RDH13: variants seen among roughly 807,000 people sequenced by gnomAD.
RDH13 encodes retinol dehydrogenase 13 (all-trans and 9-cis).
Under a neutral mutation model 28.3 loss-of-function variants are expected in RDH13, and 35 were observed. The observed-to-expected ratio is 1.24, with a 90% CI of 0.95 to 1.64. The LOEUF is 1.64. Among genes scored for constraint, RDH13 ranks in the 40% most tolerant of loss-of-function variants. The probability of loss-of-function intolerance (pLI) is 0.00; values close to 1 mark genes in which losing one functional copy is unlikely to be tolerated. For missense variants in RDH13, 514 were observed against 446.3 expected, an observed-to-expected ratio of 1.15 and a Z score of -1.37; for synonymous variants, 229 against 198.5, an observed-to-expected ratio of 1.15 and a Z score of -1.29.
chr19:55,042,826 C>T (rs540087594), downstream of RDH13: 2 of 152,414 alleles, frequency 1.3e-5, no homozygotes, highest in African/African-American at 4.8e-5. Context: ...CCTGGCTTCT[C>T]CACAGGGCCG....
chr19:55,047,191 G>A, intron 6 of RDH13, 196 bp downstream of exon 6: 2 of 1,401,090 alleles, frequency 1.4e-6, no homozygotes, highest in Non-Finnish European at 1.9e-6. Context: ...GGCTCTGCCT[G>A]CTTCCCGGGG....
chr19:55,065,254 CGCATCT>C (rs1396973317), upstream of RDH13, among the ~76,000 whole-genome samples: 1 of 151,304 alleles, frequency 6.6e-6, no homozygotes, highest in African/African-American at 2.4e-5. Flanking sequence ...TTTGGTGGCA[CGCATCT>C]GCACCCTCAG....
intron 2 of RDH13, 91 bp from the exon 3 acceptor site, chr19:55,056,899 C>A: frequency 8.9e-7 from 1 of 1,122,036 alleles, no homozygotes. Context: ...TACACAAAAA[C>A]ACATCCACCA....
chr19:55,060,575 G>A (rs370724832), intron 1 of RDH13, among the ~76,000 whole-genome samples: 22 of 152,276 alleles, frequency 1.4e-4, no homozygotes, highest in African/African-American at 4.3e-4. Context: ...GCTGAGCGCC[G>A]GTCCCCTGGG....
At chr19:55,047,208 G>C (rs544291863) in intron 6 of RDH13, 179 bp downstream of exon 6, 5 of 1,406,360 alleles carry the variant, frequency 3.6e-6, no homozygotes, top group East Asian at 2.6e-5. Context: ...GGGGCTGTTA[G>C]AGGCTGGCAG....
At chr19:55,047,944 C>T (rs1416297947) in intron 5 of RDH13, 5 of 826,032 alleles carry the variant, frequency 6.1e-6, no homozygotes, top group African/African-American at 1.7e-5. Flanking sequence ...TGGGCCTTTA[C>T]CCTCCAGATG....
chr19:55,040,082 C>CA (rs2074984296), downstream of RDH13, among the ~76,000 whole-genome samples: 2 of 152,176 alleles, frequency 1.3e-5, no homozygotes, highest in Admixed American at 1.3e-4. Flanking sequence ...AAGATGATGA[C>CA]AAAGTCTGGG....
chr19:55,047,288 G>A, intron 6 of RDH13, 99 bp downstream of exon 6: 2 of 1,511,088 alleles, frequency 1.3e-6, no homozygotes, highest in Non-Finnish European at 1.8e-6. Flanking sequence ...CAGGCATGAG[G>A]CCTCAGGGAC....
chr19:55,050,123 TTTG>T lies in RDH13; in HGVS notation c.341-1363_341-1361del, dbSNP rs201033916. On this transcript the variant is annotated intron_variant, in intron 3 of 6. Transcript: ENST00000415061. ...ACTGCCCCCAGCCTATTTTTTTTTT[TTTG>T]GGGGGGGGAGATGGAGTTTCACTCT... 5.3e-4 allele frequency among the ~76,000 whole-genome samples: 57 copies of T among 106,874 alleles called. 1 individual carries two copies. The highest frequency in any genetic ancestry group is 3.9e-3 in the South Asian group (12 of 3,112). The allele number at this position is 106,874 out of a possible 152,430, so 70.1% of individuals were successfully genotyped here. A position where few individuals can be genotyped will look rare whatever the true frequency, so the allele number is the denominator to read the frequency against.
At chr19:55,063,558 G>C (rs754869927), upstream of RDH13, 1 of 154,326 alleles carries the variant, frequency 6.5e-6, no homozygotes, top group Non-Finnish European at 1.5e-5. Flanking sequence ...GGGTACCCAA[G>C]CTCCTGGGGT....
intron 2 of RDH13, 48 bp from the exon 3 acceptor site, chr19:55,056,856 G>T: frequency 6.7e-7 from 1 of 1,494,614 alleles, no homozygotes; most frequent in Non-Finnish European, 9.2e-7. Context: ...TCCACTCCTG[G>T]GTACTGACCC....
Position 55,045,155 on chromosome 19 carries a change from C to T in RDH13, c.915G>A (p.Val305=), listed in dbSNP as rs1256457660. ...APAPEAEDEE[V]ARRLWAESAR... The stretch of plus-strand genomic sequence containing the variant: ...CACTTTCAGCCCAAAGCCTCCGGGC[C>T]ACCTCCTCATCCTCAGCCTCGGGGG... Residue 305 remains valine, a synonymous_variant, in exon 7 of 7, where the codon GTG becomes GTA. Transcript: ENST00000415061. 7.4e-6 allele frequency: 12 copies of T among 1,613,602 alleles called. 1 individual carries two copies. The South Asian group carries it at 1.1e-4, about 15-fold the overall frequency.
At chr19:55,051,494 G>A (rs887880522) in intron 3 of RDH13, among the ~76,000 whole-genome samples, 1 of 151,202 alleles carries the variant, frequency 6.6e-6, no homozygotes, top group Non-Finnish European at 1.5e-5. Flanking sequence ...TGTGATCTTG[G>A]CCCATGGCCC....
At chr19:55,062,244 C>G (rs1051263702) in intron 1 of RDH13, among the ~76,000 whole-genome samples, 1 of 152,174 alleles carries the variant, frequency 6.6e-6, no homozygotes, top group Non-Finnish European at 1.5e-5. Context: ...CCCACCACAC[C>G]CATGTCCCAC....
chr19:55,048,454 A>G lies in RDH13; in HGVS notation c.533T>C (p.Val178Ala), dbSNP rs757527402. ...GTCGTCAAAGTCTATGTGCCCAGCA[A>G]CATGGGCCAGGGACGAGAGGTTGAT... is the stretch of plus-strand genomic sequence containing the variant. ...RIINLSSLAH[V>A]AGHIDFDDLN... The change falls in exon 5 of 7, where the codon GTT (valine) becomes GCT (alanine). Residue 178 changes from valine to alanine, a missense_variant. Coordinates refer to ENST00000415061, the MANE Select transcript of RDH13 (RefSeq NM_001145971.2). 1 of 1,614,224 alleles carries G rather than the reference A, an allele frequency of 6.2e-7. No homozygotes were observed. The highest frequency in any genetic ancestry group is 1.1e-5 in the South Asian group (1 of 91,088).
intron 3 of RDH13, among the ~76,000 whole-genome samples, chr19:55,054,116 G>A (rs2075555095): frequency 1.3e-5 from 2 of 152,302 alleles, no homozygotes; most frequent in African/African-American, 2.4e-5. Context: ...GGCTGTGAGT[G>A]GCACAAGGAC....
Position 55,047,397 on chromosome 19 carries a change from G to A in RDH13, c.750C>T (p.Ser250=), listed in dbSNP as rs896616526. 1.2e-6 allele frequency: 2 copies of A among 1,611,870 alleles called. No homozygotes were observed. Among genetic ancestry groups the A allele is most frequent in the South Asian group, 1.1e-5 (1 of 90,976 alleles). The change falls in exon 6 of 7, where the codon AGC becomes AGT. Residue 250 remains serine, a synonymous_variant. Coordinates refer to ENST00000415061, the MANE Select transcript of RDH13 (RefSeq NM_001145971.2). ...TGGGAGGGGACTCACCGAGTGTGGT[G>A]CTGGAGAAGGTGGAGCCATGGATGC... The part of the protein sequence containing the change: ...HTGIHGSTFS[S]TTLGPIFWLL...
intron 6 of RDH13, chr19:55,047,114 A>G (rs2075260850): frequency 2.9e-6 from 4 of 1,371,136 alleles, no homozygotes; most frequent in Non-Finnish European, 3.8e-6. Flanking sequence ...CCCTGAGTAC[A>G]GCCTGACTCC....
At chr19:55,059,491 A>G (rs115813890) in intron 1 of RDH13, among the ~76,000 whole-genome samples, 1,974 of 141,444 alleles carry the variant, frequency 0.014, 60 homozygotes, top group African/African-American at 0.049. Context: ...AGTGACAGTC[A>G]TTATTTTATA....
Sources: allele counts gnomAD v4.1 joint callset (sites outside exome capture counted in the v4.1 genomes callset), GRCh38; gene constraint gnomAD v4.1.1; transcripts MANE v1.5; gene names NCBI Gene and HGNC (gene_info 2026-07-23, HGNC 2026-07-21).